The following SNX29 variants were observed in gnomAD, a reference collection of about 807,000 sequenced individuals.
SNX29 encodes the protein sorting nexin-29.
Under a neutral mutation model 102.1 loss-of-function variants are expected in SNX29, and 78 were observed. The ratio of observed to expected loss-of-function variants is 0.76; its 90% CI spans 0.64 to 0.92. The LOEUF is 0.92. Among genes scored for constraint, SNX29 ranks in the 40% least tolerant of loss-of-function variants. The probability of loss-of-function intolerance (pLI) is 0.00; values close to 1 mark genes in which losing one functional copy is unlikely to be tolerated. For synonymous variants in SNX29, 580 were observed against 414.5 expected (o/e 1.40, Z -4.85); for missense variants, 1,280 against 1,061.7 (o/e 1.21, Z -2.86).
At chr16:12,168,965 G>A (rs2076080936) in intron 13 of SNX29, among the ~76,000 whole-genome samples, 2 of 152,178 alleles carry the variant, frequency 1.3e-5, no homozygotes, top group South Asian at 2.1e-4. Context: ...TGACCTGCAC[G>A]TGCTGGGGAG....
intron 18 of SNX29, among the ~76,000 whole-genome samples, chr16:12,443,717 C>T (rs1329509309): frequency 2.6e-5 from 4 of 152,226 alleles, no homozygotes; most frequent in African/African-American, 9.6e-5. Flanking sequence ...TCCCAAAGTG[C>T]TGGAATTCCA....
intron 14 of SNX29, among the ~76,000 whole-genome samples, chr16:12,243,682 G>A (rs529449806): frequency 2.0e-5 from 3 of 152,232 alleles, no homozygotes; most frequent in Admixed American, 6.5e-5. Flanking sequence ...TTGGGCTTCA[G>A]GTCCATCCAT....
intron 14 of SNX29, among the ~76,000 whole-genome samples, chr16:12,203,660 G>C (rs979259579): frequency 6.6e-6 from 1 of 152,188 alleles, no homozygotes; most frequent in African/African-American, 2.4e-5. Flanking sequence ...TGGCCACTCT[G>C]ATGTTTCCAC....
At chr16:12,566,758 C>T (rs141782629) in intron 20 of SNX29, among the ~76,000 whole-genome samples, 2 of 152,132 alleles carry the variant, frequency 1.3e-5, no homozygotes, top group African/African-American at 4.8e-5. Context: ...CAGACACCCA[C>T]CTAAAGGAGG....
chr16:12,388,133 C>T (rs1169860137), intron 16 of SNX29, among the ~76,000 whole-genome samples: 1 of 152,182 alleles, frequency 6.6e-6, no homozygotes, highest in East Asian at 1.9e-4. Context: ...TTAGGGCTTC[C>T]TTCTTTCGGA....
intron 17 of SNX29, among the ~76,000 whole-genome samples, chr16:12,401,075 C>G (rs1031566333): frequency 6.6e-6 from 1 of 152,160 alleles, no homozygotes; most frequent in Non-Finnish European, 1.5e-5. Flanking sequence ...TCGTGATCCG[C>G]CTACCTCGGC....
At chr16:12,197,862 T>C (rs990138684) in intron 13 of SNX29, among the ~76,000 whole-genome samples, 1 of 152,028 alleles carries the variant, frequency 6.6e-6, no homozygotes, top group African/African-American at 2.4e-5. Context: ...CCTTTTTTTT[T>C]TTTTCTGCCA....
intron 13 of SNX29, among the ~76,000 whole-genome samples, chr16:12,197,051 C>T (rs1293569253): frequency 5.3e-5 from 8 of 152,222 alleles, no homozygotes; most frequent in Non-Finnish European, 1.2e-4. Context: ...GAGGATCGGC[C>T]CGACGGCTGG....
At chr16:12,195,563 G>A (rs2076752440) in intron 13 of SNX29, among the ~76,000 whole-genome samples, 1 of 152,320 alleles carries the variant, frequency 6.6e-6, no homozygotes, top group South Asian at 2.1e-4. Context: ...AGCAAAGCTG[G>A]CTGGTCAGGA....
intron 20 of SNX29, among the ~76,000 whole-genome samples, chr16:12,551,543 A>C (rs749295090): frequency 6.6e-5 from 10 of 152,194 alleles, no homozygotes; most frequent in Non-Finnish European, 1.3e-4. Flanking sequence ...AGGTAATTCT[A>C]AGGTGCATGC....
chr16:12,544,578 C>T (rs191168248), intron 20 of SNX29, among the ~76,000 whole-genome samples: 4 of 152,308 alleles, frequency 2.6e-5, no homozygotes, highest in East Asian at 1.9e-4. Flanking sequence ...CATTGTTCTG[C>T]AGGCATTTCT....
intron 20 of SNX29, among the ~76,000 whole-genome samples, chr16:12,525,607 A>G (rs2076758258): frequency 6.6e-6 from 1 of 151,312 alleles, no homozygotes; most frequent in Non-Finnish European, 1.5e-5. Context: ...CAGGAGAATC[A>G]CTTGAACCCA....
At chr16:12,559,165 C>T in intron 20 of SNX29, among the ~76,000 whole-genome samples, 1 of 152,098 alleles carries the variant, frequency 6.6e-6, no homozygotes, top group Non-Finnish European at 1.5e-5. Flanking sequence ...AGTACCAGTC[C>T]ATAGCCTGTT....
At chr16:12,076,223 A>G (rs1216489064) in intron 10 of SNX29, among the ~76,000 whole-genome samples, 1 of 152,058 alleles carries the variant, frequency 6.6e-6, no homozygotes, top group Non-Finnish European at 1.5e-5. Flanking sequence ...ATGCAAATGC[A>G]GAAATCACCC....
At chr16:12,220,569 C>T (rs2077450568) in intron 14 of SNX29, among the ~76,000 whole-genome samples, 1 of 152,118 alleles carries the variant, frequency 6.6e-6, no homozygotes, top group Non-Finnish European at 1.5e-5. Context: ...CATGTTTCTT[C>T]CCTGCTCGTG....
intron 8 of SNX29, among the ~76,000 whole-genome samples, chr16:12,060,261 G>A (rs1479417142): frequency 6.6e-6 from 1 of 152,144 alleles, no homozygotes; most frequent in African/African-American, 2.4e-5. Context: ...TACATATGTG[G>A]GAGGATGTGC....
chr16:12,211,271 G>A (rs1416604701), intron 14 of SNX29, among the ~76,000 whole-genome samples: 1 of 152,150 alleles, frequency 6.6e-6, no homozygotes, highest in East Asian at 1.9e-4. Flanking sequence ...AAGCAAGCAG[G>A]TAATTTCGAA....
At chr16:12,454,613 G>C (rs2086453831) in intron 18 of SNX29, among the ~76,000 whole-genome samples, 1 of 152,190 alleles carries the variant, frequency 6.6e-6, no homozygotes, top group Non-Finnish European at 1.5e-5. Context: ...GAGAGGTGAG[G>C]AAGAACAGAT....
At chr16:12,208,334 C>G (rs1027854219) in intron 14 of SNX29, among the ~76,000 whole-genome samples, 13 of 152,230 alleles carry the variant, frequency 8.5e-5, no homozygotes, top group African/African-American at 3.1e-4. Context: ...TGCTGGGGCA[C>G]TCAGAGGTGT....
Sources: gnomAD v4.1 joint callset for allele counts (sites outside exome capture counted in the v4.1 genomes callset) on GRCh38, gnomAD v4.1.1 for gene constraint, MANE v1.5 for transcripts, NCBI Gene and HGNC (gene_info 2026-07-23, HGNC 2026-07-21) for gene names.